Variants in SMG1 observed in about 807,000 individuals in gnomAD.
SMG1 encodes serine/threonine-protein kinase SMG1.
SMG1 carries 22 observed loss-of-function variants against 419.9 expected under a neutral mutation model. The ratio of observed to expected loss-of-function variants is 0.05; its 90% CI spans 0.04 to 0.07. SMG1 has a LOEUF of 0.07. Among genes scored for constraint, SMG1 ranks in the 10% least tolerant of loss-of-function variants. The pLI, the probability that SMG1 is intolerant of heterozygous loss-of-function variation, is 1.00. For synonymous variants in SMG1, 1,538 were observed against 1,553.5 expected (o/e 0.99, Z 0.23); for missense variants, 3,185 against 4,342.0 (o/e 0.73, Z 7.49).
intron 60 of SMG1, among the ~76,000 whole-genome samples, 170 bp downstream of exon 60, chr16:18,815,005 A>T (rs1018621888): frequency 4.6e-5 from 7 of 151,694 alleles, no homozygotes; most frequent in African/African-American, 1.5e-4. Flanking sequence ...GGTGTGAGCC[A>T]TCGTGCCTGG....
At chr16:18,815,327 A>G in intron 59 of SMG1, 46 bp from the exon 60 acceptor site, 1 of 1,527,510 alleles carries the variant, frequency 6.5e-7, no homozygotes. Context: ...GTTTTACCTG[A>G]TACTACTTAT....
intron 39 of SMG1, among the ~76,000 whole-genome samples, chr16:18,843,716 C>T (rs35368867): frequency 0.29 from 43,611 of 152,118 alleles, 7,487 homozygotes; most frequent in Non-Finnish European, 0.38. Context: ...ACAATATGAT[C>T]TCATTCGTAG....
At chr16:18,920,584 C>T (rs1380736130) in intron 1 of SMG1, among the ~76,000 whole-genome samples, 2 of 151,954 alleles carry the variant, frequency 1.3e-5, no homozygotes, top group African/African-American at 2.4e-5. Context: ...CCTGTAATCC[C>T]AGCACTTTGG....
At chr16:18,913,891 C>T (rs1432711019) in intron 1 of SMG1, among the ~76,000 whole-genome samples, 1 of 151,962 alleles carries the variant, frequency 6.6e-6, no homozygotes, top group African/African-American at 2.4e-5. Context: ...TGAGGCTGGG[C>T]GAGGTGGTTT....
At chr16:18,854,164 G>T (rs1170179724) in intron 30 of SMG1, among the ~76,000 whole-genome samples, 4 of 133,202 alleles carry the variant, frequency 3.0e-5, no homozygotes, top group African/African-American at 1.2e-4. Context: ...AGGGCTCACT[G>T]TAGCCTCAAC....
intron 13 of SMG1, chr16:18,875,245 T>G (rs1567408895): frequency 6.6e-6 from 1 of 152,650 alleles, no homozygotes; most frequent in East Asian, 1.9e-4. Context: ...TGGAGCATTT[T>G]AGATTTAGGA....
At chr16:18,866,239 T>C (rs2035496534) in intron 23 of SMG1, 1 of 257,264 alleles carries the variant, frequency 3.9e-6, no homozygotes, top group Non-Finnish European at 7.5e-6. Flanking sequence ...TACAAGCTCC[T>C]CTACCTGGAG....
chr16:18,871,057 G>C (rs937587802), intron 16 of SMG1, among the ~76,000 whole-genome samples, 169 bp from the exon 17 acceptor site: 5 of 152,322 alleles, frequency 3.3e-5, no homozygotes, highest in African/African-American at 1.2e-4. Context: ...TTGTTAAAAT[G>C]ATACATTCAA....
At chr16:18,834,518 TG>T in intron 49 of SMG1, 80 bp from the exon 50 acceptor site, 1 of 1,349,510 alleles carries the variant, frequency 7.4e-7, no homozygotes, top group South Asian at 1.3e-5. Context: ...AGGCCATGCC[TG>T]TAATTCCAGC....
chr16:18,834,092 TG>T (rs2033391417), intron 50 of SMG1, 111 bp downstream of exon 50: 4 of 735,302 alleles, frequency 5.4e-6, no homozygotes. Flanking sequence ...TTTAAATGAC[TG>T]GTTGAGCAAC....
intron 38 of SMG1, 128 bp from the exon 39 acceptor site, chr16:18,845,779 T>C: frequency 5.6e-6 from 3 of 539,556 alleles, no homozygotes; most frequent in Non-Finnish European, 9.5e-6. Flanking sequence ...AATAAAGCAA[T>C]AACATATTCA....
At chr16:18,877,093 C>G in intron 12 of SMG1, 38 bp downstream of exon 12, 1 of 1,454,826 alleles carries the variant, frequency 6.9e-7, no homozygotes, top group Non-Finnish European at 9.3e-7. Context: ...TCTTCAGTGA[C>G]TCAAGTTGTC....
intron 18 of SMG1, 39 bp downstream of exon 18, chr16:18,870,571 A>G: frequency 7.6e-7 from 1 of 1,311,912 alleles, no homozygotes; most frequent in Non-Finnish European, 1.1e-6. Context: ...GAGGCTGTAA[A>G]TATCACAGAA....
intron 1 of SMG1, among the ~76,000 whole-genome samples, chr16:18,919,396 G>A (rs926854108): frequency 5.3e-5 from 8 of 151,574 alleles, no homozygotes; most frequent in East Asian, 3.9e-4. Context: ...AGGCTGAGGC[G>A]GGCGGATCAT....
rs757909658 is a variant in SMG1 at position 18,805,053 on chromosome 16, AACC to A, written c.*4513_*4515del. The A allele has an allele frequency of 2.2e-3, 332 of 152,782 alleles. 1 individual carries two copies. The highest frequency in any genetic ancestry group is 3.5e-3 in the Non-Finnish European group (237 of 68,032). 9.5% of individuals were successfully genotyped at this position (152,782 alleles called of 1,614,324 possible). ...AATTATATCCATCAGGAGGCATTAC[AACC>A]TTTTGTACAGAAAAGCCACTATTTA... On this transcript the variant is annotated 3_prime_UTR_variant, in exon 63 of 63. Coordinates refer to ENST00000446231, the MANE Select transcript of SMG1 (RefSeq NM_015092.5).
rs914338878 is a variant in SMG1, at chr16:18,892,351, C to A, written c.416G>T (p.Arg139Ile). 2 of 1,548,864 alleles carry A rather than the reference C, an allele frequency of 1.3e-6. No homozygotes were observed. The change falls in exon 4 of 63, where the codon AGA becomes ATA. Residue 139 changes from arginine (R) to isoleucine (I), a missense_variant. Physicochemically the swap from Arg to Ile is moderately conservative, Grantham distance 97. Around this residue, in one of 27 missense-constraint regions of SMG1, gnomAD observed 42 missense variants for 100.1 expected, o/e 0.42. Coordinates refer to ENST00000446231, the MANE Select transcript of SMG1 (RefSeq NM_015092.5). ...ATKDMRKSQE[R>I]SMSYSDESRL... ...AGACTCATCAGAATAAGACATCGATCTCTCTGTGAATATATAAACATTTTG... is the reference window on the plus strand; with the variant it reads ...AGACTCATCAGAATAAGACATCGATATCTCTGTGAATATATAAACATTTTG...
rs1596595192 is a variant in SMG1 at position 18,885,343 on chromosome 16, T to C, written c.949-181A>G. On this transcript the variant is annotated intron_variant, in intron 7 of 62. Transcript: ENST00000446231. ...AAAAGAACTACATTTCTGACAACAATGAAATAGTTTATTTTCTTCAAATAT... is the reference window on the plus strand; with the variant it reads ...AAAAGAACTACATTTCTGACAACAACGAAATAGTTTATTTTCTTCAAATAT... 4 of 722,032 alleles carry C rather than the reference T, an allele frequency of 5.5e-6. No individual in the cohort carries two copies. The East Asian group carries it at 1.1e-4, about 19-fold the overall frequency. The allele number at this position is 722,032 out of a possible 1,614,324, so 44.7% of individuals were successfully genotyped here.
intron 11 of SMG1, chr16:18,878,594 A>C (rs2036246946): frequency 6.6e-6 from 1 of 150,386 alleles, no homozygotes; most frequent in South Asian, 2.1e-4. Context: ...GGAATACAGC[A>C]AGATCCTGTG....
chr16:18,817,164 C>T (rs1242273516), intron 57 of SMG1, 127 bp downstream of exon 57: 10 of 661,170 alleles, frequency 1.5e-5, no homozygotes, highest in East Asian at 6.8e-5. Context: ...ACTGTCCCCC[C>T]GCCCCCCTAA....
Sources: allele counts gnomAD v4.1 joint callset (sites outside exome capture counted in the v4.1 genomes callset), GRCh38; gene constraint gnomAD v4.1.1; regional missense constraint gnomAD v4.1.1; transcripts MANE v1.5; gene names NCBI Gene and HGNC (gene_info 2026-07-23, HGNC 2026-07-21).